The following LHCGR variants were observed in gnomAD, a reference collection of about 807,000 sequenced individuals.
LHCGR encodes lutropin-choriogonadotropic hormone receptor.
A neutral mutation model predicts 60.7 loss-of-function variants in LHCGR; 55 were observed. The observed-to-expected ratio is 0.91, with a 90% CI of 0.73 to 1.13. LHCGR has a LOEUF of 1.13. Ranked by LOEUF, LHCGR falls within the 50% of genes most tolerant of loss-of-function variation. The probability of loss-of-function intolerance (pLI) is 0.00; values close to 1 mark genes in which losing one functional copy is unlikely to be tolerated. For synonymous variants in LHCGR, 337 were observed against 316.5 expected, an observed-to-expected ratio of 1.06 and a Z score of -0.69; for missense variants, 862 against 836.0, an observed-to-expected ratio of 1.03 and a Z score of -0.38.
intron 4 of LHCGR, 125 bp from the exon 5 acceptor site, chr2:48,723,821 A>G (rs1572865126): frequency 1.3e-6 from 1 of 752,352 alleles, no homozygotes; most frequent in African/African-American, 1.8e-5. Flanking sequence ...TAAATTTAAA[A>G]ATATTGAGTT....
intron 1 of LHCGR, chr2:48,733,193 A>G: frequency 3.3e-6 from 1 of 302,460 alleles, no homozygotes; most frequent in South Asian, 3.1e-5. Flanking sequence ...GCAGTGCAGA[A>G]CATATTTTGG....
At chr2:48,701,503 A>C (rs55850546) in intron 8 of LHCGR, among the ~76,000 whole-genome samples, 1 of 152,010 alleles carries the variant, frequency 6.6e-6, no homozygotes, top group Non-Finnish European at 1.5e-5. Context: ...CCTGCAGATA[A>C]TCACGTAACT....
chr2:48,751,859 G>A (rs1669970585), intron 1 of LHCGR, among the ~76,000 whole-genome samples: 1 of 152,104 alleles, frequency 6.6e-6, no homozygotes, highest in Non-Finnish European at 1.5e-5. Flanking sequence ...CTGTTCAGTA[G>A]GTACAACATG....
chr2:48,744,540 G>A (rs75620358), intron 1 of LHCGR, among the ~76,000 whole-genome samples: 20 of 98,182 alleles, frequency 2.0e-4, no homozygotes, highest in African/African-American at 7.3e-4. Context: ...AAATAACACC[G>A]CATATCTACA....
intron 1 of LHCGR, among the ~76,000 whole-genome samples, chr2:48,736,172 A>G (rs922734535): frequency 6.6e-6 from 1 of 152,124 alleles, no homozygotes; most frequent in Non-Finnish European, 1.5e-5. Flanking sequence ...GTATTTCTTT[A>G]TAGCAGTGTG....
chr2:48,744,559 A>G (rs1272655150), intron 1 of LHCGR, among the ~76,000 whole-genome samples: 1 of 64,904 alleles, frequency 1.5e-5, no homozygotes, highest in East Asian at 4.1e-4. Context: ...CAACTATCTG[A>G]TCTTTGACAA....
At chr2:48,737,320 A>G (rs1669244155) in intron 1 of LHCGR, among the ~76,000 whole-genome samples, 1 of 152,228 alleles carries the variant, frequency 6.6e-6, no homozygotes, top group South Asian at 2.1e-4. Flanking sequence ...AGATGAAGGG[A>G]AAAAAGAGAG....
At chr2:48,725,603 C>G in intron 4 of LHCGR, 73 bp downstream of exon 4, 1 of 1,069,090 alleles carries the variant, frequency 9.4e-7, no homozygotes, top group East Asian at 2.4e-5. Flanking sequence ...TCTTTCCAAC[C>G]TTTTCCTTGT....
Position 48,740,751 on chromosome 2 carries a change from G to A in LHCGR, c.162-9453C>T, listed in dbSNP as rs1053341597. Among the ~76,000 whole-genome samples, 10 of 152,274 alleles carry A rather than the reference G, an allele frequency of 6.6e-5. No homozygotes were observed. In the South Asian group the frequency reaches 1.0e-3, roughly 16 times the overall value. On this transcript the variant is annotated intron_variant, in intron 1 of 10. Coordinates refer to ENST00000294954, the MANE Select transcript of LHCGR (RefSeq NM_000233.4). Reference sequence around the variant, plus strand: ...ACCACAAAGATGGGGAAAAAACAGAGCAGAAAAACTGGAAACTCAAAAAAG... The same window carrying A: ...ACCACAAAGATGGGGAAAAAACAGAACAGAAAAACTGGAAACTCAAAAAAG...
At chr2:48,710,293 A>G (rs1365123021) in intron 7 of LHCGR, among the ~76,000 whole-genome samples, 1 of 151,956 alleles carries the variant, frequency 6.6e-6, no homozygotes, top group Non-Finnish European at 1.5e-5. Flanking sequence ...ATCAAAAGAA[A>G]TTTTTCTTCC....
chr2:48,755,324 G>T (rs1170101610), intron 1 of LHCGR, among the ~76,000 whole-genome samples, 187 bp downstream of exon 1: 1 of 152,068 alleles, frequency 6.6e-6, no homozygotes, highest in South Asian at 2.1e-4. Context: ...AGAGGCATGG[G>T]GTGGTAAAAA....
intron 8 of LHCGR, among the ~76,000 whole-genome samples, chr2:48,702,761 T>C (rs1667474063): frequency 6.6e-6 from 1 of 152,054 alleles, no homozygotes; most frequent in South Asian, 2.1e-4. Context: ...GATCCTTTAA[T>C]AGTACAATCC....
intron 6 of LHCGR, 77 bp from the exon 7 acceptor site, chr2:48,714,131 A>T: frequency 1.0e-6 from 1 of 961,164 alleles, no homozygotes; most frequent in East Asian, 2.5e-5. Context: ...TTCCTCCTGT[A>T]ACATATATTA....
chr2:48,744,996 C>T (rs1469348589), intron 1 of LHCGR, among the ~76,000 whole-genome samples: 10 of 151,930 alleles, frequency 6.6e-5, no homozygotes, highest in Admixed American at 6.6e-4. Flanking sequence ...AACAAATTTA[C>T]AAGAAAAAAA....
chr2:48,698,929 C>T (rs1230476035), intron 8 of LHCGR, 129 bp from the exon 9 acceptor site: 6 of 700,172 alleles, frequency 8.6e-6, no homozygotes, highest in Non-Finnish European at 1.4e-5. Flanking sequence ...GCAAGCTCCG[C>T]CTCCTGGGTT....
At chr2:48,698,949 C>T in intron 8 of LHCGR, 149 bp from the exon 9 acceptor site, 2 of 617,028 alleles carry the variant, frequency 3.2e-6, no homozygotes, top group Non-Finnish European at 5.5e-6. Flanking sequence ...TCACGCCATT[C>T]TCCTGCCTCA....
intron 1 of LHCGR, among the ~76,000 whole-genome samples, chr2:48,753,484 A>G (rs1184275872): frequency 6.6e-6 from 1 of 152,172 alleles, no homozygotes; most frequent in Non-Finnish European, 1.5e-5. Flanking sequence ...TAAGGAGGCT[A>G]AATGACTGGC....
At chr2:48,752,868 C>G (rs1363259078) in intron 1 of LHCGR, among the ~76,000 whole-genome samples, 1 of 151,010 alleles carries the variant, frequency 6.6e-6, no homozygotes, top group Non-Finnish European at 1.5e-5. Flanking sequence ...CTGCAGTCCT[C>G]TTTGAGGAAA....
At chr2:48,718,391 G>A (rs1003680181) in intron 6 of LHCGR, among the ~76,000 whole-genome samples, 6 of 152,100 alleles carry the variant, frequency 3.9e-5, no homozygotes, top group African/African-American at 1.4e-4. Flanking sequence ...AATATTCCTG[G>A]GGCTCTAAAA....
Sources: gnomAD v4.1 joint callset for allele counts (sites outside exome capture counted in the v4.1 genomes callset) on GRCh38, gnomAD v4.1.1 for gene constraint, MANE v1.5 for transcripts, NCBI Gene and HGNC (gene_info 2026-07-23, HGNC 2026-07-21) for gene names.